Variants in PARP8 observed in about 807,000 individuals in gnomAD.
PARP8 encodes poly(ADP-ribose) polymerase family member 8.
In PARP8, 51 loss-of-function variants were observed where a neutral mutation model predicts 124.1. The ratio of observed to expected loss-of-function variants is 0.41; its 90% CI spans 0.33 to 0.52. The LOEUF is 0.52. Ranked by LOEUF, PARP8 falls within the 20% of genes least tolerant of loss-of-function variation. PARP8 has a pLI of 0.21. For missense variants in PARP8, 860 were observed against 1,018.9 expected (o/e 0.84, Z 2.12); for synonymous variants, 391 against 361.5 (o/e 1.08, Z -0.93).
In PARP8 at chr5:50,821,806, A is replaced by G. The variant is rs1290609103; in HGVS notation, c.1794+468A>G. Among the ~76,000 whole-genome samples the G allele has an allele frequency of 2.6e-5, 4 of 152,250 alleles. No individual in the cohort carries two copies. The East Asian group carries it at 7.7e-4, about 29-fold the overall frequency. ...GAAATAATTTTATAGAAACAACTGT[A>G]TACAATTTTCTTGGAAGAACTTTAT... is the stretch of plus-strand genomic sequence containing the variant. On this transcript the variant is annotated intron_variant, in intron 16 of 25. Coordinates refer to ENST00000281631, the MANE Select transcript of PARP8 (RefSeq NM_024615.4).
intron 3 of PARP8, among the ~76,000 whole-genome samples, chr5:50,755,257 T>G (rs1222775199): frequency 6.6e-6 from 1 of 152,220 alleles, no homozygotes; most frequent in Non-Finnish European, 1.5e-5. Flanking sequence ...TCCTTGCCCA[T>G]GTCTATGTCC....
intron 2 of PARP8, among the ~76,000 whole-genome samples, chr5:50,684,363 TA>T (rs1751620843): frequency 2.0e-5 from 3 of 152,076 alleles, no homozygotes; most frequent in Admixed American, 2.0e-4. Context: ...ATGTTGATCT[TA>T]GGGGGGCTGA....
intron 15 of PARP8, among the ~76,000 whole-genome samples, chr5:50,816,367 C>T (rs34440496): frequency 6.6e-6 from 1 of 152,062 alleles, no homozygotes. Context: ...GATAGCTTAA[C>T]GAATACCTAG....
intron 2 of PARP8, among the ~76,000 whole-genome samples, chr5:50,686,516 C>T (rs1251872849): frequency 1.3e-5 from 2 of 152,216 alleles, no homozygotes; most frequent in Admixed American, 6.5e-5. Flanking sequence ...CAGTGGCCCA[C>T]TTCTCACAAC....
chr5:50,667,706 C>T, intron 1 of PARP8: 1 of 700,100 alleles, frequency 1.4e-6, no homozygotes, highest in Non-Finnish European at 2.6e-6. Context: ...AGAAGGGATT[C>T]CTCGGATTCC....
intron 2 of PARP8, among the ~76,000 whole-genome samples, chr5:50,707,022 T>A (rs536264221): frequency 6.6e-6 from 1 of 152,206 alleles, no homozygotes; most frequent in African/African-American, 2.4e-5. Context: ...TCTATATAGC[T>A]GCTTTTTTAT....
intron 7 of PARP8, among the ~76,000 whole-genome samples, chr5:50,776,544 T>C (rs1347045800): frequency 6.6e-6 from 1 of 152,192 alleles, no homozygotes; most frequent in Non-Finnish European, 1.5e-5. Flanking sequence ...TTATGTAACA[T>C]TTAAAGATAT....
intron 25 of PARP8, among the ~76,000 whole-genome samples, chr5:50,840,123 A>T (rs1235835811): frequency 6.6e-6 from 1 of 151,718 alleles, no homozygotes; most frequent in East Asian, 1.9e-4. Context: ...CACAAAAAGA[A>T]ATGTGTTTGA....
Position 50,836,778 on chromosome 5 carries a change from A to G in PARP8, c.2462+1763A>G, listed in dbSNP as rs549771993. Among the ~76,000 whole-genome samples, 7 of 152,260 alleles carry G rather than the reference A, an allele frequency of 4.6e-5. No homozygotes were observed. The East Asian group carries it at 7.7e-4, about 17-fold the overall frequency. On this transcript the variant is annotated intron_variant, in intron 25 of 25. Transcript: ENST00000281631. The stretch of plus-strand genomic sequence containing the variant: ...TTTTTTTCTGTCTTCTTTCTTAACT[A>G]TCTTGATTGTTATCCACTATTAGAT...
chr5:50,673,089 T>C (rs1750222249), intron 2 of PARP8, among the ~76,000 whole-genome samples: 3 of 152,208 alleles, frequency 2.0e-5, no homozygotes, highest in Non-Finnish European at 4.4e-5. Context: ...GTTATATCAC[T>C]TATTATATAT....
At position 50,720,437 on chromosome 5, in the gene PARP8, T is replaced by G. The variant is rs1755759401; in HGVS notation, c.147-29714T>G. On this transcript the variant is annotated intron_variant, in intron 2 of 25. Coordinates refer to ENST00000281631, the MANE Select transcript of PARP8 (RefSeq NM_024615.4). The stretch of plus-strand genomic sequence containing the variant: ...CACTCTATTCAGCAACCCTCAGCCC[T>G]CTTTCAGCTCGCCTCTTCCTTATGG... Among the ~76,000 whole-genome samples, 3 of 151,998 alleles carry G rather than the reference T, an allele frequency of 2.0e-5. No homozygotes were observed. In the South Asian group the frequency reaches 6.2e-4, roughly 32 times the overall value.
chr5:50,701,289 T>G (rs1351750919), intron 2 of PARP8, among the ~76,000 whole-genome samples: 1 of 152,116 alleles, frequency 6.6e-6, no homozygotes, highest in Non-Finnish European at 1.5e-5. Flanking sequence ...AGGATATGTA[T>G]AAGTGGATGG....
At chr5:50,817,519 C>T (rs1745236667) in intron 15 of PARP8, among the ~76,000 whole-genome samples, 1 of 152,208 alleles carries the variant, frequency 6.6e-6, no homozygotes. Context: ...GCTGCAAAGA[C>T]ATTCCTCAGG....
At chr5:50,799,416 ACTGATCT>A (rs1440883918) in intron 14 of PARP8, among the ~76,000 whole-genome samples, 5 of 152,118 alleles carry the variant, frequency 3.3e-5, no homozygotes, top group Non-Finnish European at 5.9e-5. Context: ...GTCTTTTTCC[ACTGATCT>A]GCATGTCTGT....
chr5:50,829,934 A>C lies in PARP8; in HGVS notation c.2206A>C (p.Met736Leu), dbSNP rs1436513314. 3 of 1,609,106 alleles carry C rather than the reference A, an allele frequency of 1.9e-6. No individual in the cohort carries two copies. Among genetic ancestry groups the C allele is most frequent in the African/African-American group, 1.3e-5 (1 of 74,832 alleles). The change falls in exon 22 of 26, where the codon ATG (methionine) becomes CTG (leucine). Residue 736 changes from methionine to leucine, a missense_variant. By Grantham distance (15) the Met-to-Leu change is conservative. Coordinates refer to ENST00000281631, the MANE Select transcript of PARP8 (RefSeq NM_024615.4). ...MYGSGIYLSPMSSISFGYSGM... is the reference protein window; with the variant it reads ...MYGSGIYLSPLSSISFGYSGM... ...TGGAAGTGGAATCTATCTTAGTCCA[A>C]TGTCAAGCATATCATTTGGTTACTC... is the stretch of plus-strand genomic sequence containing the variant.
chr5:50,703,119 G>A (rs1204326860), intron 2 of PARP8, among the ~76,000 whole-genome samples: 3 of 152,028 alleles, frequency 2.0e-5, no homozygotes. Context: ...TGGGCAACAT[G>A]GTGAAACCTA....
At chr5:50,739,243 T>C (rs113053317) in intron 2 of PARP8, among the ~76,000 whole-genome samples, 2,269 of 152,270 alleles carry the variant, frequency 0.015, 59 homozygotes, top group African/African-American at 0.052. Context: ...AGTCTTCCTC[T>C]CCACCTGGGA....
intron 25 of PARP8, among the ~76,000 whole-genome samples, chr5:50,840,084 T>TA (rs1748011713): frequency 6.6e-6 from 1 of 151,918 alleles, no homozygotes; most frequent in Non-Finnish European, 1.5e-5. Flanking sequence ...TATAATGTTA[T>TA]AACAACATTC....
At chr5:50,770,744 A>G (rs1761539826) in intron 7 of PARP8, among the ~76,000 whole-genome samples, 2 of 152,112 alleles carry the variant, frequency 1.3e-5, no homozygotes, top group African/African-American at 4.8e-5. Flanking sequence ...AAAGAGAAAG[A>G]AAAGAAAAGA....
Sources: gnomAD v4.1 joint callset for allele counts (sites outside exome capture counted in the v4.1 genomes callset) on GRCh38, gnomAD v4.1.1 for gene constraint, MANE v1.5 for transcripts, NCBI Gene and HGNC (gene_info 2026-07-23, HGNC 2026-07-21) for gene names.